Variants in MAN2A1 observed in about 807,000 individuals in gnomAD.
MAN2A1 encodes the protein alpha-mannosidase 2.
Under a neutral mutation model 142.6 loss-of-function variants are expected in MAN2A1, and 76 were observed. That is an observed-to-expected ratio of 0.53 (90% confidence interval 0.44 to 0.65). MAN2A1 has a LOEUF of 0.65. MAN2A1 is among the 30% of genes least tolerant of loss of function. The pLI is 0.00. For synonymous variants in MAN2A1, 559 were observed against 473.2 expected (o/e 1.18, Z -2.35); for missense variants, 1,311 against 1,365.1 (o/e 0.96, Z 0.62).
chr5:109,767,348 AGG>A (rs1753019565), intron 5 of MAN2A1, among the ~76,000 whole-genome samples, 185 bp from the exon 6 acceptor site: 1 of 152,164 alleles, frequency 6.6e-6, no homozygotes, highest in South Asian at 2.1e-4. Flanking sequence ...CTATGTGGAT[AGG>A]CAGTGGCACA....
intron 12 of MAN2A1, among the ~76,000 whole-genome samples, chr5:109,812,922 A>C (rs1754356879): frequency 6.6e-6 from 1 of 152,212 alleles, no homozygotes. Flanking sequence ...TAGTAAGCAC[A>C]TGAAATTACA....
intron 19 of MAN2A1, 58 bp downstream of exon 19, chr5:109,847,848 G>C: frequency 7.7e-7 from 1 of 1,291,612 alleles, no homozygotes; most frequent in Non-Finnish European, 1.0e-6. Context: ...CCCAAAACTT[G>C]AAATTATGAC....
At chr5:109,790,628 T>C (rs1354866124) in intron 12 of MAN2A1, among the ~76,000 whole-genome samples, 11 of 152,044 alleles carry the variant, frequency 7.2e-5, no homozygotes. Context: ...TTAAAATAAG[T>C]TATGTTTTGA....
Position 109,823,502 on chromosome 5 carries a change from T to C in MAN2A1, c.2452-221T>C, listed in dbSNP as rs190529515. Among the ~76,000 whole-genome samples the C allele has an allele frequency of 2.1e-4, 32 of 152,356 alleles. No homozygotes were observed. The East Asian group carries it at 6.2e-3, about 29-fold the overall frequency. The stretch of plus-strand genomic sequence containing the variant: ...AGGAATGCTTTCTAGACCAGTGAAG[T>C]TGTAAACATTTTTATTTCCTATTTT... On this transcript the variant is annotated intron_variant, in intron 15 of 21. Transcript: ENST00000261483.
chr5:109,816,023 C>G (rs976522664), intron 12 of MAN2A1, among the ~76,000 whole-genome samples: 3 of 152,184 alleles, frequency 2.0e-5, no homozygotes, highest in Non-Finnish European at 4.4e-5. Flanking sequence ...AATCATAAAC[C>G]TTGCAGAGGA....
chr5:109,846,141 C>G (rs1340458315), intron 18 of MAN2A1, 135 bp downstream of exon 18: 1 of 720,224 alleles, frequency 1.4e-6, no homozygotes, highest in South Asian at 3.1e-5. Flanking sequence ...TTTCAACAAC[C>G]AGACTATTAG....
intron 5 of MAN2A1, among the ~76,000 whole-genome samples, chr5:109,764,376 T>G (rs1752935382): frequency 1.3e-5 from 2 of 152,200 alleles, no homozygotes; most frequent in Admixed American, 1.3e-4. Flanking sequence ...ATCTTGTTCT[T>G]GCATGAAGGC....
intron 4 of MAN2A1, among the ~76,000 whole-genome samples, chr5:109,751,023 T>C (rs1752530355): frequency 1.3e-5 from 2 of 152,056 alleles, no homozygotes; most frequent in Admixed American, 6.6e-5. Context: ...TACAGTACAT[T>C]GTTGTTAACT....
At chr5:109,739,937 A>C (rs1752219547) in intron 4 of MAN2A1, among the ~76,000 whole-genome samples, 1 of 152,178 alleles carries the variant, frequency 6.6e-6, no homozygotes, top group African/African-American at 2.4e-5. Flanking sequence ...TGACAGATGG[A>C]GGGAGGGAAG....
intron 1 of MAN2A1, among the ~76,000 whole-genome samples, chr5:109,712,654 A>T (rs1236405776): frequency 2.0e-5 from 3 of 152,100 alleles, no homozygotes; most frequent in African/African-American, 7.2e-5. Context: ...GCTAGTTATA[A>T]CATCACCTTG....
chr5:109,750,764 T>C (rs1752523448), intron 4 of MAN2A1, among the ~76,000 whole-genome samples: 1 of 152,140 alleles, frequency 6.6e-6, no homozygotes, highest in African/African-American at 2.4e-5. Flanking sequence ...TGGTTTTAAG[T>C]CACTCTGATT....
At chr5:109,832,161 C>CTTTTTTTTTTTTTTTTTT (rs70999945) in intron 16 of MAN2A1, among the ~76,000 whole-genome samples, 10 of 51,218 alleles carry the variant, frequency 2.0e-4, no homozygotes, top group Non-Finnish European at 3.7e-4. Context: ...AAGGAGTTTT[C>CTTTTTTTTTTTTTTTTTT]TTTTTTTTTT....
At chr5:109,826,026 T>G (rs1302167909) in intron 16 of MAN2A1, among the ~76,000 whole-genome samples, 1 of 149,790 alleles carries the variant, frequency 6.7e-6, no homozygotes, top group Admixed American at 6.7e-5. Flanking sequence ...CTGCCTCAGC[T>G]TCCTAGGTAG....
chr5:109,695,648 T>C (rs906525261), intron 1 of MAN2A1, among the ~76,000 whole-genome samples: 4 of 152,206 alleles, frequency 2.6e-5, no homozygotes, highest in African/African-American at 9.7e-5. Context: ...TTTGCTGGAT[T>C]GTAAAGGCCT....
chr5:109,758,791 A>G (rs907979479), intron 5 of MAN2A1, among the ~76,000 whole-genome samples: 1 of 151,326 alleles, frequency 6.6e-6, no homozygotes, highest in African/African-American at 2.4e-5. Context: ...GTAGAGTTTC[A>G]TATTTATTTT....
At chr5:109,767,823 C>A in intron 6 of MAN2A1, 115 bp downstream of exon 6, 1 of 800,084 alleles carries the variant, frequency 1.2e-6, no homozygotes, top group Non-Finnish European at 2.0e-6. Context: ...AATCAGGTGG[C>A]CTAAAGATAG....
intron 12 of MAN2A1, among the ~76,000 whole-genome samples, chr5:109,799,864 G>A (rs975875801): frequency 2.3e-4 from 35 of 152,010 alleles, no homozygotes; most frequent in Admixed American, 1.8e-3. Flanking sequence ...GAGGTGGGTG[G>A]ATCCCCTGAG....
chr5:109,836,401 C>T (rs1036556879), intron 16 of MAN2A1, among the ~76,000 whole-genome samples: 1 of 151,540 alleles, frequency 6.6e-6, no homozygotes, highest in African/African-American at 2.4e-5. Context: ...CAGGCATGAG[C>T]CACCGCACCG....
chr5:109,723,468 A>G (rs1411383507), intron 3 of MAN2A1, among the ~76,000 whole-genome samples: 1 of 152,002 alleles, frequency 6.6e-6, no homozygotes, highest in East Asian at 1.9e-4. Context: ...AGTTCTCTTC[A>G]TTTTGTCTCC....
Sources: gnomAD v4.1 joint callset for allele counts (sites outside exome capture counted in the v4.1 genomes callset) on GRCh38, gnomAD v4.1.1 for gene constraint, MANE v1.5 for transcripts, NCBI Gene and HGNC (gene_info 2026-07-23, HGNC 2026-07-21) for gene names.